ATAD2: variants seen among roughly 807,000 people sequenced by gnomAD.
ATAD2 encodes ATPase family AAA domain containing 2.
ATAD2 carries 62 observed loss-of-function variants against 168.9 expected under a neutral mutation model. That is an observed-to-expected ratio of 0.37 (90% confidence interval 0.30 to 0.45). The LOEUF (loss-of-function observed/expected upper bound fraction) is 0.45. ATAD2 is among the 20% of genes least tolerant of loss of function. The pLI is 1.00. For synonymous variants in ATAD2, 613 were observed against 571.6 expected, an observed-to-expected ratio of 1.07 and a Z score of -1.03; for missense variants, 1,419 against 1,667.8, an observed-to-expected ratio of 0.85 and a Z score of 2.60.
At chr8:123,399,681 C>A (rs1812972057), upstream of ATAD2, among the ~76,000 whole-genome samples, 1 of 151,152 alleles carries the variant, frequency 6.6e-6, no homozygotes, top group Non-Finnish European at 1.5e-5. Context: ...ATGGAGAAAC[C>A]CCATCTCTAC....
At chr8:123,339,236 C>A in intron 20 of ATAD2, 75 bp downstream of exon 20, 1 of 1,261,754 alleles carries the variant, frequency 7.9e-7, no homozygotes, top group Non-Finnish European at 1.1e-6. Context: ...TTATCAGATA[C>A]ATGTCAATGC....
chr8:123,350,971 TCTGCC>T (rs145826283), intron 13 of ATAD2, among the ~76,000 whole-genome samples: 8,041 of 151,982 alleles, frequency 0.053, 684 homozygotes, highest in African/African-American at 0.18. Flanking sequence ...GACCTTGTGA[TCTGCC>T]CTGCCTGCCT....
chr8:123,334,171 G>C (rs375459572), intron 23 of ATAD2, 29 bp downstream of exon 23: 15 of 1,562,662 alleles, frequency 9.6e-6, no homozygotes, highest in Non-Finnish European at 1.3e-5. Context: ...ATATTAGGTT[G>C]GTACAAATCA....
intron 2 of ATAD2, among the ~76,000 whole-genome samples, chr8:123,378,811 G>T (rs975577623): frequency 2.7e-5 from 4 of 148,212 alleles, no homozygotes; most frequent in African/African-American, 9.9e-5. Context: ...ATGTAAAAAC[G>T]ATTCTTTTTT....
At chr8:123,324,937 T>C (rs1175625235) in intron 26 of ATAD2, among the ~76,000 whole-genome samples, 3 of 152,046 alleles carry the variant, frequency 2.0e-5, no homozygotes, top group South Asian at 2.1e-4. Flanking sequence ...GGGCCAGGCA[T>C]GGTGGCTCAT....
chr8:123,374,798 G>T (rs762401555), intron 2 of ATAD2, among the ~76,000 whole-genome samples: 2 of 152,108 alleles, frequency 1.3e-5, no homozygotes, highest in African/African-American at 4.8e-5. Context: ...TGAAAGCTAC[G>T]GTATACGCAA....
intron 19 of ATAD2, among the ~76,000 whole-genome samples, chr8:123,341,409 A>C (rs1828057753): frequency 6.6e-6 from 1 of 152,214 alleles, no homozygotes; most frequent in Non-Finnish European, 1.5e-5. Context: ...CTTTATTTCA[A>C]ATCTCAAAAT....
chr8:123,363,702 G>A (rs1563851618), intron 8 of ATAD2, among the ~76,000 whole-genome samples: 1 of 152,222 alleles, frequency 6.6e-6, no homozygotes, highest in Middle Eastern at 3.4e-3. Flanking sequence ...TGTAGTCACA[G>A]AATTCAGACT....
At chr8:123,339,650 C>T (rs1306628899) in intron 19 of ATAD2, among the ~76,000 whole-genome samples, 1 of 152,008 alleles carries the variant, frequency 6.6e-6, no homozygotes. Context: ...CATATGTATG[C>T]AGTATATATA....
chr8:123,361,808 G>A (rs898828190), intron 8 of ATAD2, among the ~76,000 whole-genome samples, 162 bp from the exon 9 acceptor site: 13 of 152,102 alleles, frequency 8.5e-5, no homozygotes, highest in South Asian at 6.2e-4. Flanking sequence ...TCTTTCAAAT[G>A]GAATAAAAGA....
At chr8:123,334,086 C>T in intron 23 of ATAD2, 65 bp from the exon 24 acceptor site, 4 of 1,573,760 alleles carry the variant, frequency 2.5e-6, no homozygotes, top group Non-Finnish European at 3.5e-6. Flanking sequence ...GAAGGATTAA[C>T]TAAAAGTACA....
At chr8:123,352,716 TAAA>T (rs551307458) in intron 13 of ATAD2, 1 of 143,614 alleles carries the variant, frequency 7.0e-6, no homozygotes, top group South Asian at 2.2e-4. Context: ...TGTTTTCTTT[TAAA>T]AAAAAAAACA....
Position 123,359,684 on chromosome 8 carries a change from A to G in ATAD2, c.1159T>C (p.Cys387Arg), listed in dbSNP as rs1481190202. ...TCTTTCCGAAAATTTAGTGGGAGGC[A>G]CCTATTTAAAAAGATTTTTTAAAAC... The part of the protein sequence containing the change: ...KRSRNRAINR[C>R]LPLNFRKDEL... The change falls in exon 10 of 28, where the codon TGC (cysteine) becomes CGC (arginine). Residue 387 changes from cysteine to arginine, a missense_variant and splice_region_variant. This residue lies in a region of ATAD2 where 146 missense variants were observed against 188.3 expected (regional missense o/e 0.78). Transcript: ENST00000287394. 2.5e-6 allele frequency: 4 copies of G among 1,607,852 alleles called. No homozygotes were observed. Among genetic ancestry groups the G allele is most frequent in the Middle Eastern group, 3.4e-4 (2 of 5,958 alleles).
rs530936139 is a variant in ATAD2, at chr8:123,396,398, G to A, written c.-41C>T. 8 of 1,511,750 alleles carry A rather than the reference G, an allele frequency of 5.3e-6. No individual in the cohort carries two copies. In the Admixed American group the frequency reaches 6.2e-5, roughly 12 times the overall value. 93.6% of individuals were successfully genotyped at this position (1,511,750 alleles called of 1,614,324 possible). Reference sequence around the variant, plus strand: ...GCCTCGGCGTGCGCGACCGGAGAGAGATCCAGCTCCAGGCGCTCGCAGCTC... The same window carrying A: ...GCCTCGGCGTGCGCGACCGGAGAGAAATCCAGCTCCAGGCGCTCGCAGCTC... On this transcript the variant is annotated 5_prime_UTR_variant, in exon 1 of 28. Coordinates refer to ENST00000287394, the MANE Select transcript of ATAD2 (RefSeq NM_014109.4).
intron 21 of ATAD2, among the ~76,000 whole-genome samples, chr8:123,337,182 G>GA (rs1827942217): frequency 6.6e-6 from 1 of 151,934 alleles, no homozygotes; most frequent in African/African-American, 2.4e-5. Context: ...GGCCAACATG[G>GA]AGAAACCCTG....
At chr8:123,356,092 T>A (rs1298470879) in intron 13 of ATAD2, 2 of 163,578 alleles carry the variant, frequency 1.2e-5, no homozygotes, top group African/African-American at 4.9e-5. Context: ...CACACCCGGC[T>A]AATTTTTTTT....
chr8:123,394,686 C>T (rs1017347845), intron 1 of ATAD2, among the ~76,000 whole-genome samples: 12 of 151,976 alleles, frequency 7.9e-5, no homozygotes, highest in African/African-American at 2.9e-4. Flanking sequence ...TATATCAGTA[C>T]GTATCATTAT....
intron 1 of ATAD2, among the ~76,000 whole-genome samples, chr8:123,394,795 G>A (rs980843421): frequency 4.6e-5 from 7 of 152,190 alleles, no homozygotes; most frequent in Admixed American, 2.0e-4. Flanking sequence ...TTCCAGTGCA[G>A]AAGTGTTTGG....
chr8:123,333,152 G>C (rs1827820276), intron 24 of ATAD2, among the ~76,000 whole-genome samples: 2 of 149,208 alleles, frequency 1.3e-5, no homozygotes, highest in South Asian at 4.2e-4. Flanking sequence ...ACTTTGGGAG[G>C]CCGAGGTGGG....
Sources: allele counts gnomAD v4.1 joint callset (sites outside exome capture counted in the v4.1 genomes callset), GRCh38; gene constraint gnomAD v4.1.1; regional missense constraint gnomAD v4.1.1; transcripts MANE v1.5; gene names NCBI Gene and HGNC (gene_info 2026-07-23, HGNC 2026-07-21).